The following SLC27A4 variants were observed in gnomAD, a reference collection of about 807,000 sequenced individuals.
SLC27A4 encodes the protein solute carrier family 27 member 4.
In SLC27A4, 33 loss-of-function variants were observed where a neutral mutation model predicts 64.4. That is an observed-to-expected ratio of 0.51 (90% CI 0.39 to 0.68). The LOEUF (loss-of-function observed/expected upper bound fraction) is 0.68. Among genes scored for constraint, SLC27A4 ranks in the 30% least tolerant of loss-of-function variants. SLC27A4 has a pLI of 0.00. For synonymous variants in SLC27A4, 377 were observed against 370.0 expected (o/e 1.02, Z -0.22); for missense variants, 824 against 883.5 (o/e 0.93, Z 0.85).
chr9:128,350,294 C>A lies in SLC27A4; in HGVS notation c.716-18C>A, dbSNP rs201333290. The stretch of plus-strand genomic sequence containing the variant: ...CCCTGAGCTGCCCCCGACAGCCACT[C>A]GCGTCTGTTTTCTTTAGATAAACTG... On this transcript the variant is annotated intron_variant, in intron 4 of 12. Coordinates refer to ENST00000300456, the MANE Select transcript of SLC27A4 (RefSeq NM_005094.4). 6.3e-4 allele frequency: 1,022 copies of A among 1,611,214 alleles called. 3 individuals are homozygous for A. In the Middle Eastern group the frequency reaches 0.011, roughly 18 times the overall value.
Position 128,348,614 on chromosome 9 carries a change from G to A in SLC27A4, c.626G>A (p.Gly209Asp). 2.5e-6 allele frequency: 4 copies of A among 1,613,756 alleles called. No individual in the cohort carries two copies. The highest frequency in any genetic ancestry group is 1.1e-5 in the South Asian group (1 of 91,078). ...SLFCSGSWEP[G>D]AVPPSTEHLD... is the part of the protein sequence containing the mutation. ...TTCTGCTCTGGCTCCTGGGAGCCCG[G>A]TGCGGTGCCTCCAAGCACAGAACAC... is the stretch of plus-strand genomic sequence containing the variant. Residue 209 changes from glycine to aspartate, a missense_variant, in exon 4 of 13, where the codon GGT becomes GAT. Physicochemically the swap from Gly to Asp is moderately conservative, Grantham distance 94. Coordinates refer to ENST00000300456, the MANE Select transcript of SLC27A4 (RefSeq NM_005094.4).
At position 128,350,236 on chromosome 9, in the gene SLC27A4, T is replaced by C; in HGVS notation, c.716-76T>C. On this transcript the variant is annotated intron_variant, in intron 4 of 12. Transcript: ENST00000300456. ...GAACAGGTGTTGAAGGGTGCACACCTGCAGGTGTCCATTTGTGTGACCCTT... is the reference window on the plus strand; with the variant it reads ...GAACAGGTGTTGAAGGGTGCACACCCGCAGGTGTCCATTTGTGTGACCCTT... The C allele has an allele frequency of 3.3e-6, 4 of 1,209,908 alleles. No individual in the cohort carries two copies. The South Asian group carries it at 5.0e-5, about 15-fold the overall frequency. 74.9% of individuals were successfully genotyped at this position (1,209,908 alleles called of 1,614,324 possible). A position where few individuals can be genotyped will look rare whatever the true frequency, so the allele number is the denominator to read the frequency against.
In SLC27A4 at chr9:128,345,030, T is replaced by C; in HGVS notation, c.162-125T>C. 9.0e-7 allele frequency: 1 copy of C among 1,111,838 alleles called. No homozygotes were observed. Among genetic ancestry groups the C allele is most frequent in the Non-Finnish European group, 1.3e-6 (1 of 760,864 alleles). The allele number at this position is 1,111,838 out of a possible 1,614,324, so 68.9% of individuals were successfully genotyped here. The stretch of plus-strand genomic sequence containing the variant: ...CATGTTCCCAGCAGGAGCCAGGAGA[T>C]AGAAGTGTTGTAGGGGGTCTGGCTC... On this transcript the variant is annotated intron_variant, in intron 2 of 12. Coordinates refer to ENST00000300456, the MANE Select transcript of SLC27A4 (RefSeq NM_005094.4). The surrounding 1 kb of genome is among the most constrained non-coding windows in gnomAD (Gnocchi z 4.1).
At position 128,361,392 on chromosome 9, in the gene SLC27A4, A is replaced by G. The variant is rs571463265; in HGVS notation, c.*901A>G. 2.0e-5 allele frequency: 3 copies of G among 152,468 alleles called. No individual in the cohort carries two copies. The highest frequency in any genetic ancestry group is 4.4e-5 in the Non-Finnish European group (3 of 68,132). The allele number at this position is 152,468 out of a possible 1,614,324, so 9.4% of individuals were successfully genotyped here. On this transcript the variant is annotated 3_prime_UTR_variant, in exon 13 of 13. Coordinates refer to ENST00000300456, the MANE Select transcript of SLC27A4 (RefSeq NM_005094.4). Reference sequence around the variant, plus strand: ...TAAGATGCCGCAGCCCCTGCCTCCAATGTGCTGGTTCAGCCGGGGGCAGTG... The same window carrying G: ...TAAGATGCCGCAGCCCCTGCCTCCAGTGTGCTGGTTCAGCCGGGGGCAGTG...
At chr9:128,351,447 G>A (rs1378932296) in intron 6 of SLC27A4, among the ~76,000 whole-genome samples, 1 of 151,968 alleles carries the variant, frequency 6.6e-6, no homozygotes, top group Non-Finnish European at 1.5e-5. Context: ...AAAATAGGCT[G>A]GGCGCAGTGG....
chr9:128,348,557 T>G lies in SLC27A4; in HGVS notation c.569T>G (p.Val190Gly). The change falls in exon 4 of 13, where the codon GTC (valine) becomes GGC (glycine). Residue 190 changes from valine to glycine, a missense_variant. By Grantham distance (109) the Val-to-Gly change is moderately radical. Transcript: ENST00000300456. ...TGTCTCCCCACAGCCATCTGTGAGG[T>G]CCATGCCAGCCTGGACCCCTCGCTC... ...GSEMASAICE[V>G]HASLDPSLSL... 2 of 1,613,088 alleles carry G rather than the reference T, an allele frequency of 1.2e-6. No individual in the cohort carries two copies. Among genetic ancestry groups the G allele is most frequent in the Non-Finnish European group, 1.7e-6 (2 of 1,180,008 alleles).
chr9:128,359,971 G>A (rs1247184120), intron 12 of SLC27A4, among the ~76,000 whole-genome samples: 1 of 152,168 alleles, frequency 6.6e-6, no homozygotes, highest in Admixed American at 6.5e-5. Context: ...GATGAAATAA[G>A]CTCACACTGT....
intron 4 of SLC27A4, among the ~76,000 whole-genome samples, chr9:128,349,846 G>T (rs1257932728): frequency 6.6e-6 from 1 of 152,194 alleles, no homozygotes; most frequent in African/African-American, 2.4e-5. Flanking sequence ...ACTTCCTGCA[G>T]CTAATGCCTC....
intron 1 of SLC27A4, chr9:128,342,356 G>A (rs1171038568): frequency 1.2e-6 from 2 of 1,611,472 alleles, no homozygotes; most frequent in Non-Finnish European, 1.7e-6. Context: ...AAGCAAGCAA[G>A]CGAATCGTAA....
At chr9:128,360,123 G>T (rs1832875891) in intron 12 of SLC27A4, among the ~76,000 whole-genome samples, 1 of 152,152 alleles carries the variant, frequency 6.6e-6, no homozygotes, top group South Asian at 2.1e-4. Context: ...GTAGGGGTGG[G>T]TGGGTAACTA....
intron 3 of SLC27A4, among the ~76,000 whole-genome samples, chr9:128,348,046 C>T (rs1007578367): frequency 1.3e-5 from 2 of 152,080 alleles, no homozygotes; most frequent in African/African-American, 4.8e-5. Flanking sequence ...ATGTGATGTC[C>T]GTGCAGTGCG....
At chr9:128,355,292 C>T in intron 10 of SLC27A4, 102 bp downstream of exon 10, 1 of 1,595,870 alleles carries the variant, frequency 6.3e-7, no homozygotes, top group African/African-American at 1.3e-5. Flanking sequence ...CCAGTCCTGG[C>T]CCTTGTGGTC....
intron 3 of SLC27A4, among the ~76,000 whole-genome samples, chr9:128,347,494 A>C (rs1197840999): frequency 6.6e-6 from 1 of 151,828 alleles, no homozygotes; most frequent in Non-Finnish European, 1.5e-5. Flanking sequence ...TTGGAGGCCA[A>C]GGAGGGCAGG....
chr9:128,342,492 C>T (rs990360767), intron 1 of SLC27A4: 85 of 1,253,428 alleles, frequency 6.8e-5, no homozygotes, highest in African/African-American at 3.9e-4. Context: ...CTATGCTGCC[C>T]CTTTCACATC....
chr9:128,341,590 C>T lies in SLC27A4; in HGVS notation c.-7+752C>T, dbSNP rs746665496. On this transcript the variant is annotated intron_variant, in intron 1 of 12. Transcript: ENST00000300456. The stretch of plus-strand genomic sequence containing the variant: ...CCAGGCTCTAACTCGTTTTCTGGGT[C>T]GCCCTCTATAGACCAACAGACGCAC... Among the ~76,000 whole-genome samples, 22 of 152,142 alleles carry T rather than the reference C, an allele frequency of 1.4e-4. 1 individual carries two copies. The highest frequency in any genetic ancestry group is 2.9e-4 in the African/African-American group (12 of 41,410).
chr9:128,348,299 A>G (rs531345301), intron 3 of SLC27A4, among the ~76,000 whole-genome samples: 17 of 152,318 alleles, frequency 1.1e-4, no homozygotes, highest in East Asian at 1.9e-4. Context: ...GGGGCTGTCA[A>G]TGGTCCCTCC....
chr9:128,358,949 A>G (rs1245099297), intron 12 of SLC27A4, among the ~76,000 whole-genome samples: 2 of 152,214 alleles, frequency 1.3e-5, no homozygotes, highest in African/African-American at 4.8e-5. Context: ...AACTCCTACA[A>G]CATTGCTTTT....
At chr9:128,342,520 G>A (rs919670646) in intron 1 of SLC27A4, 18 of 951,770 alleles carry the variant, frequency 1.9e-5, no homozygotes, top group South Asian at 1.4e-4. Flanking sequence ...TACTGACAAC[G>A]AAGGCTGCGC....
At chr9:128,340,898 C>T (rs1564397224) in intron 1 of SLC27A4, 60 bp downstream of exon 1, 2 of 545,820 alleles carry the variant, frequency 3.7e-6, no homozygotes, top group Middle Eastern at 4.8e-4. Flanking sequence ...CCGAGTCGGG[C>T]GAGGTGGCGG....
Sources: allele counts gnomAD v4.1 joint callset (sites outside exome capture counted in the v4.1 genomes callset), GRCh38; gene constraint gnomAD v4.1.1; non-coding constraint Gnocchi (gnomAD v3.1); transcripts MANE v1.5; gene names NCBI Gene and HGNC (gene_info 2026-07-23, HGNC 2026-07-21).